The following NIBAN2 variants were observed in gnomAD, a reference collection of about 807,000 sequenced individuals.
NIBAN2 encodes protein Niban 2.
In NIBAN2, 36 loss-of-function variants were observed where a neutral mutation model predicts 81.8. That is an observed-to-expected ratio of 0.44 (90% confidence interval 0.34 to 0.58). The LOEUF (loss-of-function observed/expected upper bound fraction) is 0.58, where lower values mean the gene tolerates loss of function less well. NIBAN2 is among the 20% of genes least tolerant of loss of function. The pLI is 0.02. For missense variants in NIBAN2, 897 were observed against 1,014.1 expected, an observed-to-expected ratio of 0.88 and a Z score of 1.57; for synonymous variants, 445 against 441.6, an observed-to-expected ratio of 1.01 and a Z score of -0.10.
At chr9:127,547,187 C>T (rs1837486633) in intron 1 of NIBAN2, among the ~76,000 whole-genome samples, 1 of 152,178 alleles carries the variant, frequency 6.6e-6, no homozygotes, top group African/African-American at 2.4e-5. Context: ...TTCAGCAACA[C>T]ATGGCTCAAT....
chr9:127,558,655 C>T (rs533979826), intron 1 of NIBAN2, among the ~76,000 whole-genome samples: 1 of 152,250 alleles, frequency 6.6e-6, no homozygotes, highest in African/African-American at 2.4e-5. Context: ...GGCCTGCCCA[C>T]CCCAAAGCTC....
chr9:127,561,035 T>C (rs1033285202), intron 1 of NIBAN2: 7 of 832,374 alleles, frequency 8.4e-6, no homozygotes, highest in Non-Finnish European at 1.0e-5. Context: ...AGTCTAGTTC[T>C]TGACACATGG....
At chr9:127,547,151 C>G (rs1837486050) in intron 1 of NIBAN2, among the ~76,000 whole-genome samples, 1 of 152,182 alleles carries the variant, frequency 6.6e-6, no homozygotes, top group African/African-American at 2.4e-5. Flanking sequence ...CAAATCCTAA[C>G]TCCACCCTTT....
upstream of NIBAN2, chr9:127,569,177 GCCCGCCGCGTCCCAC>G: frequency 1.5e-6 from 1 of 671,160 alleles, no homozygotes; most frequent in African/African-American, 3.1e-5. Flanking sequence ...GCTGCCCTGC[GCCCGCCGCGTCCCAC>G]CCCGCCCCGC....
At position 127,507,417 on chromosome 9, in the gene NIBAN2, C is replaced by T. The variant is rs771249314; in HGVS notation, c.1669G>A (p.Ala557Thr). 7.3e-6 allele frequency: 11 copies of T among 1,511,080 alleles called. No homozygotes were observed. Among genetic ancestry groups the T allele is most frequent in the South Asian group, 2.7e-5 (2 of 74,228 alleles). The allele number at this position is 1,511,080 out of a possible 1,614,324, so 93.6% of individuals were successfully genotyped here. ...KDILQAVKEA[A>T]VQRKHNLYRD... ...TAGAGGTTGTGCTTCCTCTGCACCG[C>T]GGCCTCCTTCACAGCTACAGGGCCA... The change falls in exon 14 of 14, where the codon GCG becomes ACG. Residue 557 changes from alanine to threonine, a missense_variant. Physicochemically the swap from Ala to Thr is moderately conservative, Grantham distance 58. Coordinates refer to ENST00000373312, the MANE Select transcript of NIBAN2 (RefSeq NM_022833.4). The surrounding 1 kb of genome is among the most constrained non-coding windows in gnomAD (Gnocchi z 6.8).
intron 1 of NIBAN2, among the ~76,000 whole-genome samples, chr9:127,538,584 G>A (rs1245183313): frequency 6.7e-6 from 1 of 149,612 alleles, no homozygotes; most frequent in Non-Finnish European, 1.5e-5. Flanking sequence ...CCAAGATCGC[G>A]CCACTGCATT....
At position 127,507,390 on chromosome 9, in the gene NIBAN2, G is replaced by A. The variant is rs754978264; in HGVS notation, c.1696C>T (p.Arg566Trp). Reference sequence around the variant, plus strand: ...CTGTTGTGCATGACCATGCTGTCCCGGTAGAGGTTGTGCTTCCTCTGCACC... The same window carrying A: ...CTGTTGTGCATGACCATGCTGTCCCAGTAGAGGTTGTGCTTCCTCTGCACC... ...AAVQRKHNLYRDSMVMHNSDP... is the reference protein window; with the variant it reads ...AAVQRKHNLYWDSMVMHNSDP... The change falls in exon 14 of 14, where the codon CGG (arginine) becomes TGG (tryptophan). Residue 566 changes from arginine to tryptophan, a missense_variant. By Grantham distance (101) the Arg-to-Trp change is moderately radical (BLOSUM62 -3). Around this residue, in one of 3 missense-constraint regions of NIBAN2, gnomAD observed 619 missense variants for 691.0 expected, o/e 0.90. Coordinates refer to ENST00000373312, the MANE Select transcript of NIBAN2 (RefSeq NM_022833.4). This position sits in a 1 kb window ranked among gnomAD's most constrained non-coding sequence, Gnocchi z 6.8. 9.2e-6 allele frequency: 14 copies of A among 1,520,036 alleles called. No homozygotes were observed. The highest frequency in any genetic ancestry group is 2.6e-5 in the South Asian group (2 of 76,164). The allele number at this position is 1,520,036 out of a possible 1,614,324, so 94.2% of individuals were successfully genotyped here.
chr9:127,507,558 C>G lies in NIBAN2; in HGVS notation c.1655-127G>C, dbSNP rs1836634645. 2 of 858,794 alleles carry G rather than the reference C, an allele frequency of 2.3e-6. No individual in the cohort carries two copies. The highest frequency in any genetic ancestry group is 3.5e-6 in the Non-Finnish European group (2 of 567,288). 53.2% of individuals were successfully genotyped at this position (858,794 alleles called of 1,614,324 possible). On this transcript the variant is annotated intron_variant, in intron 13 of 13. Transcript: ENST00000373312. The surrounding 1 kb of genome is among the most constrained non-coding windows in gnomAD (Gnocchi z 6.8). ...GTCTGTGGTTGGGATGTGACTCATT[C>G]CAGGCCTCGTTGCTGAAAGCAGCAA...
intron 5 of NIBAN2, among the ~76,000 whole-genome samples, chr9:127,518,443 G>A (rs1036989120): frequency 1.3e-5 from 2 of 152,198 alleles, no homozygotes; most frequent in African/African-American, 4.8e-5. Flanking sequence ...CCTGGAACAG[G>A]CTAGGCAGCA....
Position 127,507,856 on chromosome 9 carries a change from A to AC in NIBAN2, c.1654+10dup. ...TCCTGGCAACAGTCCCCACCCCGGGACGGCACCCACCCTGCAGGATGTCCT... is the reference window on the plus strand; with the variant it reads ...TCCTGGCAACAGTCCCCACCCCGGGACCGGCACCCACCCTGCAGGATGTCCT... On this transcript the variant is annotated intron_variant, in intron 13 of 13. Coordinates refer to ENST00000373312, the MANE Select transcript of NIBAN2 (RefSeq NM_022833.4). The surrounding 1 kb of genome is among the most constrained non-coding windows in gnomAD (Gnocchi z 6.8). The AC allele has an allele frequency of 6.2e-7, 1 of 1,612,438 alleles. No individual in the cohort carries two copies. The highest frequency in any genetic ancestry group is 2.2e-5 in the East Asian group (1 of 44,862).
chr9:127,527,997 C>T (rs1414130551), intron 2 of NIBAN2, among the ~76,000 whole-genome samples: 2 of 152,206 alleles, frequency 1.3e-5, no homozygotes, highest in South Asian at 2.1e-4. Flanking sequence ...AACGCCCGGA[C>T]CTTCCTACAA....
chr9:127,570,007 C>T (rs909523821), upstream of NIBAN2, among the ~76,000 whole-genome samples: 2 of 152,118 alleles, frequency 1.3e-5, no homozygotes, highest in Non-Finnish European at 2.9e-5. Context: ...GCAGGGGAGA[C>T]AGTCAGGTTA....
At chr9:127,576,681 G>C (rs1278249756) in intron 1 of NIBAN2, among the ~76,000 whole-genome samples, 1 of 150,378 alleles carries the variant, frequency 6.6e-6, no homozygotes, top group African/African-American at 2.5e-5. Flanking sequence ...GGGAGGCTGA[G>C]GCAGGAGGAT....
chr9:127,566,212 G>T (rs1462247577), intron 1 of NIBAN2, among the ~76,000 whole-genome samples: 1 of 152,134 alleles, frequency 6.6e-6, no homozygotes, highest in East Asian at 1.9e-4. Flanking sequence ...GAGATTTGTG[G>T]GGAAAATTTG....
chr9:127,537,264 T>C (rs2132198716), intron 1 of NIBAN2, among the ~76,000 whole-genome samples: 1 of 152,326 alleles, frequency 6.6e-6, no homozygotes, highest in South Asian at 2.1e-4. Context: ...TCTCCGAAGC[T>C]GTTCCCGAGC....
rs531561700 is a variant in NIBAN2, at chr9:127,555,241, TC to T, written c.55+13578del. On this transcript the variant is annotated intron_variant, in intron 1 of 13. Coordinates refer to ENST00000373312, the MANE Select transcript of NIBAN2 (RefSeq NM_022833.4). ...GATGTGAAATGTTGGGGTGGGTTTC[TC>T]CCAGGGCTTTGGGCCACCTTTCTGC... Among the ~76,000 whole-genome samples the T allele has an allele frequency of 1.2e-4, 18 of 152,336 alleles. No individual in the cohort carries two copies. In the South Asian group the frequency reaches 3.7e-3, roughly 32 times the overall value.
chr9:127,555,467 C>T (rs528150440), intron 1 of NIBAN2, among the ~76,000 whole-genome samples: 2 of 152,254 alleles, frequency 1.3e-5, no homozygotes, highest in Admixed American at 6.5e-5. Context: ...CCGAAGCCAG[C>T]CCGCCCACCC....
In NIBAN2 at chr9:127,508,573, G is replaced by T; in HGVS notation, c.1318-35C>A. ...ATACCGCGGACATGTGAAGCCCCCAGGGTGACCACAGCCCCTTCCTGGGTG... is the reference window on the plus strand; with the variant it reads ...ATACCGCGGACATGTGAAGCCCCCATGGTGACCACAGCCCCTTCCTGGGTG... On this transcript the variant is annotated intron_variant, in intron 10 of 13. Coordinates refer to ENST00000373312, the MANE Select transcript of NIBAN2 (RefSeq NM_022833.4). The surrounding 1 kb of genome is among the most constrained non-coding windows in gnomAD (Gnocchi z 6.4). The T allele has an allele frequency of 6.4e-7, 1 of 1,557,914 alleles. No individual in the cohort carries two copies. Among genetic ancestry groups the T allele is most frequent in the Non-Finnish European group, 8.8e-7 (1 of 1,130,852 alleles).
At chr9:127,525,023 C>A (rs1303945381) in intron 4 of NIBAN2, 35 bp downstream of exon 4, 1 of 1,521,818 alleles carries the variant, frequency 6.6e-7, no homozygotes, top group Non-Finnish European at 9.1e-7. Flanking sequence ...GATGCCTGTG[C>A]AGGGCATTGT....
Sources: allele counts gnomAD v4.1 joint callset (sites outside exome capture counted in the v4.1 genomes callset), GRCh38; gene constraint gnomAD v4.1.1; regional missense constraint gnomAD v4.1.1; non-coding constraint Gnocchi (gnomAD v3.1); transcripts MANE v1.5; gene names NCBI Gene and HGNC (gene_info 2026-07-23, HGNC 2026-07-21).